Variants in FAM168A observed in about 807,000 individuals in gnomAD.
FAM168A encodes family with sequence similarity 168 member A.
A neutral mutation model predicts 28.5 loss-of-function variants in FAM168A; 3 were observed. The observed-to-expected ratio is 0.11, with a 90% CI of 0.05 to 0.27. The LOEUF (loss-of-function observed/expected upper bound fraction) is 0.27, where lower values mean the gene tolerates loss of function less well. Among genes scored for constraint, FAM168A ranks in the 10% least tolerant of loss-of-function variants. The pLI, the probability that FAM168A is intolerant of heterozygous loss-of-function variation, is 1.00. For missense variants in FAM168A, 222 were observed against 311.5 expected (o/e 0.71, Z 2.16); for synonymous variants, 122 against 124.2 (o/e 0.98, Z 0.12).
intron 1 of FAM168A, among the ~76,000 whole-genome samples, chr11:73,578,278 T>TG (rs1024354870): frequency 2.6e-5 from 4 of 151,954 alleles, no homozygotes; most frequent in East Asian, 1.9e-4. Flanking sequence ...GTTGCTTAAA[T>TG]GGGGGGGATA....
chr11:73,489,179 C>A (rs540663409), intron 1 of FAM168A, among the ~76,000 whole-genome samples: 36 of 152,236 alleles, frequency 2.4e-4, no homozygotes, highest in African/African-American at 7.9e-4. Context: ...CCGCACCAGG[C>A]CCCAGCTACC....
intron 2 of FAM168A, among the ~76,000 whole-genome samples, chr11:73,443,888 G>A (rs1049264008): frequency 7.2e-5 from 11 of 152,114 alleles, no homozygotes; most frequent in South Asian, 2.1e-4. Context: ...CATGTGGGCC[G>A]GCTTGGAAGG....
chr11:73,458,804 G>T (rs1445016168), intron 2 of FAM168A, among the ~76,000 whole-genome samples: 9 of 152,078 alleles, frequency 5.9e-5, no homozygotes, highest in African/African-American at 2.2e-4. Flanking sequence ...TAGAGATGGG[G>T]TTTCACTATG....
intron 1 of FAM168A, chr11:73,580,436 G>C (rs1166705258): frequency 1.6e-6 from 1 of 620,756 alleles, no homozygotes; most frequent in African/African-American, 1.8e-5. Context: ...AGCTGAGGCT[G>C]GCCAGGATGG....
At chr11:73,420,951 T>G (rs781362667) in intron 3 of FAM168A, 11 of 152,364 alleles carry the variant, frequency 7.2e-5, no homozygotes, top group Non-Finnish European at 1.6e-4. Flanking sequence ...CTTGCCTAAC[T>G]TTTTAGACAT....
chr11:73,524,513 A>C (rs983174058), intron 1 of FAM168A, among the ~76,000 whole-genome samples: 3 of 151,672 alleles, frequency 2.0e-5, no homozygotes, highest in African/African-American at 7.3e-5. Context: ...CCTCTAATTT[A>C]TTTCTTTCCT....
At chr11:73,486,625 A>G (rs974108040) in intron 1 of FAM168A, among the ~76,000 whole-genome samples, 1 of 152,202 alleles carries the variant, frequency 6.6e-6, no homozygotes, top group Admixed American at 6.5e-5. Flanking sequence ...TAGAGATAAA[A>G]TTAAAAGCTC....
At chr11:73,540,822 G>A (rs1256326681) in intron 1 of FAM168A, among the ~76,000 whole-genome samples, 3 of 152,104 alleles carry the variant, frequency 2.0e-5, no homozygotes, top group African/African-American at 7.2e-5. Context: ...ACTTATGAGG[G>A]CAGGAACTTT....
chr11:73,564,071 C>G (rs1217187659), intron 1 of FAM168A, among the ~76,000 whole-genome samples: 1 of 152,172 alleles, frequency 6.6e-6, no homozygotes, highest in African/African-American at 2.4e-5. Context: ...AGCCACACAC[C>G]TCTGTAGTGT....
At chr11:73,417,621 G>A (rs1253798844) in intron 4 of FAM168A, among the ~76,000 whole-genome samples, 3 of 146,798 alleles carry the variant, frequency 2.0e-5, no homozygotes, top group African/African-American at 5.1e-5. Flanking sequence ...GTGCAATGGC[G>A]CAATCTCGGC....
At chr11:73,417,407 G>A (rs759824182) in intron 4 of FAM168A, among the ~76,000 whole-genome samples, 25 of 152,164 alleles carry the variant, frequency 1.6e-4, no homozygotes, top group Admixed American at 3.9e-4. Context: ...CTACACTACA[G>A]TAGGTGTGCC....
chr11:73,528,987 C>A (rs1943482066), intron 1 of FAM168A, among the ~76,000 whole-genome samples: 1 of 152,014 alleles, frequency 6.6e-6, no homozygotes, highest in African/African-American at 2.4e-5. Context: ...TTGTGAGCTG[C>A]TAGTGTGGGA....
Position 73,402,352 on chromosome 11 carries a change from G to A in FAM168A, c.*4411C>T, listed in dbSNP as rs1866428156. On this transcript the variant is annotated 3_prime_UTR_variant, in exon 8 of 8. Coordinates refer to ENST00000356467, the MANE Select transcript of FAM168A (RefSeq NM_015159.3). ...CTGAGCCTCGCTTAGTCAGTGCCTC[G>A]CTGGGAACCTGGATGAGTCCTATCT... 6.6e-6 allele frequency: 1 copy of A among 152,226 alleles called. No homozygotes were observed. The allele number at this position is 152,226 out of a possible 1,614,324, so 9.4% of individuals were successfully genotyped here.
chr11:73,557,917 A>C (rs1474077675), intron 1 of FAM168A, among the ~76,000 whole-genome samples: 4 of 152,252 alleles, frequency 2.6e-5, no homozygotes, highest in Non-Finnish European at 5.9e-5. Flanking sequence ...TCACTAATCA[A>C]TGAGAAAAGA....
chr11:73,505,510 T>C (rs556252460), intron 1 of FAM168A, among the ~76,000 whole-genome samples: 2 of 152,138 alleles, frequency 1.3e-5, no homozygotes, highest in Non-Finnish European at 2.9e-5. Flanking sequence ...GTTATTATTA[T>C]GAATGGAGAG....
rs79953108 is a variant in FAM168A, at chr11:73,484,528, C to A, written c.-18-16036G>T. 4.4e-3 allele frequency among the ~76,000 whole-genome samples: 612 copies of A among 138,354 alleles called. 4 individuals are homozygous for A. The highest frequency in any genetic ancestry group is 0.015 in the African/African-American group (506 of 34,238). 90.8% of individuals were successfully genotyped at this position (138,354 alleles called of 152,430 possible). On this transcript the variant is annotated intron_variant, in intron 1 of 7. Coordinates refer to ENST00000356467, the MANE Select transcript of FAM168A (RefSeq NM_015159.3). ...GAGAGATATATATAGATATATATAT[C>A]TATATATCTATATATCTATCTATAT...
chr11:73,594,351 C>T (rs1268239106), intron 1 of FAM168A, among the ~76,000 whole-genome samples: 1 of 151,922 alleles, frequency 6.6e-6, no homozygotes. Context: ...ACTCCCAGCT[C>T]AGCCTCCCAA....
chr11:73,458,679 C>T (rs1337762344), intron 2 of FAM168A, among the ~76,000 whole-genome samples: 1 of 151,296 alleles, frequency 6.6e-6, no homozygotes, highest in Non-Finnish European at 1.5e-5. Context: ...GGTGCGATCT[C>T]GGCTCACTGC....
At chr11:73,414,338 A>G in intron 4 of FAM168A, among the ~76,000 whole-genome samples, 1 of 152,222 alleles carries the variant, frequency 6.6e-6, no homozygotes, top group South Asian at 2.1e-4. Context: ...TTAAAAGCCT[A>G]AATATTTGGC....
Sources: allele counts gnomAD v4.1 joint callset (sites outside exome capture counted in the v4.1 genomes callset), GRCh38; gene constraint gnomAD v4.1.1; transcripts MANE v1.5; gene names NCBI Gene and HGNC (gene_info 2026-07-23, HGNC 2026-07-21).